The following NEGR1 variants were observed in gnomAD, a reference collection of about 807,000 sequenced individuals.
NEGR1 encodes the protein IgLON family member 4.
NEGR1 carries 10 observed loss-of-function variants against 40.9 expected under a neutral mutation model. That is an observed-to-expected ratio of 0.24 (90% confidence interval 0.15 to 0.42). NEGR1 has a LOEUF of 0.42. Among genes scored for constraint, NEGR1 ranks in the 10% least tolerant of loss-of-function variants. The pLI is 1.00. For synonymous variants in NEGR1, 185 were observed against 166.8 expected (o/e 1.11, Z -0.84); for missense variants, 352 against 438.9 (o/e 0.80, Z 1.77).
intron 6 of NEGR1, among the ~76,000 whole-genome samples, chr1:71,470,852 CTTT>C (rs1260874707): frequency 5.3e-5 from 8 of 152,100 alleles, no homozygotes; most frequent in African/African-American, 1.9e-4. Flanking sequence ...AACTGATATA[CTTT>C]AACTTTCCCT....
At chr1:72,057,339 C>T (rs1461466774) in intron 1 of NEGR1, among the ~76,000 whole-genome samples, 5 of 151,322 alleles carry the variant, frequency 3.3e-5, no homozygotes, top group Middle Eastern at 3.4e-3. Flanking sequence ...TTTTCTATAC[C>T]TTAGATTGGC....
intron 1 of NEGR1, among the ~76,000 whole-genome samples, chr1:71,968,275 T>C (rs1646226845): frequency 6.6e-6 from 1 of 152,212 alleles, no homozygotes; most frequent in South Asian, 2.1e-4. Flanking sequence ...CCTGCCAATG[T>C]GCATAAAGAT....
chr1:71,954,709 T>A (rs1438495485), intron 1 of NEGR1, among the ~76,000 whole-genome samples: 1 of 152,054 alleles, frequency 6.6e-6, no homozygotes, highest in Non-Finnish European at 1.5e-5. Flanking sequence ...CTTTTCTGAC[T>A]TCCAAAAAGG....
At chr1:72,148,706 C>T (rs951976534) in intron 1 of NEGR1, among the ~76,000 whole-genome samples, 10 of 152,136 alleles carry the variant, frequency 6.6e-5, no homozygotes, top group African/African-American at 2.2e-4. Context: ...AAAGTTTCCA[C>T]AAATCTCTAA....
chr1:72,095,690 G>A (rs1159640628), intron 1 of NEGR1, among the ~76,000 whole-genome samples: 4 of 151,940 alleles, frequency 2.6e-5, no homozygotes, highest in Admixed American at 6.6e-5. Flanking sequence ...GATATTTTAT[G>A]TAATTCTCTA....
chr1:71,585,744 T>C (rs1476819895), intron 6 of NEGR1, among the ~76,000 whole-genome samples: 5 of 150,906 alleles, frequency 3.3e-5, no homozygotes, highest in African/African-American at 1.2e-4. Context: ...TGTGCATGGC[T>C]GATTTAATTA....
intron 4 of NEGR1, among the ~76,000 whole-genome samples, chr1:71,638,747 A>AC (rs1312471361): frequency 6.6e-6 from 1 of 151,996 alleles, no homozygotes; most frequent in African/African-American, 2.4e-5. Flanking sequence ...ATAACCTTTT[A>AC]CAGTCTCAGA....
intron 2 of NEGR1, among the ~76,000 whole-genome samples, chr1:71,787,603 A>C (rs1290129208): frequency 6.6e-6 from 1 of 152,144 alleles, no homozygotes; most frequent in Non-Finnish European, 1.5e-5. Flanking sequence ...TATCTGTGAA[A>C]TTAGCCTGGC....
At chr1:71,802,239 T>A (rs1657588793) in intron 2 of NEGR1, among the ~76,000 whole-genome samples, 1 of 151,932 alleles carries the variant, frequency 6.6e-6, no homozygotes, top group East Asian at 1.9e-4. Flanking sequence ...ACTTAAAGAT[T>A]TAGAGAATTA....
chr1:71,456,522 T>C (rs1646673814), intron 6 of NEGR1, among the ~76,000 whole-genome samples: 1 of 152,214 alleles, frequency 6.6e-6, no homozygotes, highest in African/African-American at 2.4e-5. Context: ...CCAGGTCTGC[T>C]CAGACTGTAA....
intron 6 of NEGR1, among the ~76,000 whole-genome samples, chr1:71,485,824 T>G (rs575095138): frequency 6.9e-4 from 105 of 151,856 alleles, no homozygotes; most frequent in Admixed American, 6.0e-3. Context: ...CTTAGTTTAT[T>G]TATTCATTCA....
At chr1:71,582,869 G>A (rs1337164016) in intron 6 of NEGR1, among the ~76,000 whole-genome samples, 4 of 152,130 alleles carry the variant, frequency 2.6e-5, no homozygotes, top group African/African-American at 4.8e-5. Context: ...AAGTGTGAAC[G>A]CTGCCCTGGT....
At chr1:71,540,167 A>C (rs1202788278) in intron 6 of NEGR1, among the ~76,000 whole-genome samples, 3 of 151,796 alleles carry the variant, frequency 2.0e-5, no homozygotes, top group African/African-American at 4.8e-5. Context: ...AGATCTGATG[A>C]GAGTGTGGTA....
chr1:71,467,947 C>T (rs528446800), intron 6 of NEGR1, among the ~76,000 whole-genome samples: 1 of 152,064 alleles, frequency 6.6e-6, no homozygotes, highest in East Asian at 1.9e-4. Flanking sequence ...CTGTGCTTTT[C>T]AGCATGCTTA....
At chr1:72,126,273 T>C (rs984404186) in intron 1 of NEGR1, among the ~76,000 whole-genome samples, 1 of 152,128 alleles carries the variant, frequency 6.6e-6, no homozygotes, top group Non-Finnish European at 1.5e-5. Context: ...AACATCTTTT[T>C]GCATTAAACT....
At chr1:71,657,504 GT>G (rs1350829182) in intron 4 of NEGR1, among the ~76,000 whole-genome samples, 4 of 152,082 alleles carry the variant, frequency 2.6e-5, no homozygotes, top group African/African-American at 9.7e-5. Flanking sequence ...GAAACATTTA[GT>G]TTTTTTCTCA....
At chr1:71,588,883 A>G (rs963604407) in intron 6 of NEGR1, among the ~76,000 whole-genome samples, 8 of 152,158 alleles carry the variant, frequency 5.3e-5, no homozygotes, top group African/African-American at 1.9e-4. Flanking sequence ...GGAGCTGCTC[A>G]TATACACACA....
chr1:72,152,697 A>G (rs952792212), intron 1 of NEGR1, among the ~76,000 whole-genome samples: 2 of 151,982 alleles, frequency 1.3e-5, no homozygotes, highest in African/African-American at 4.8e-5. Context: ...TGTTCTATTC[A>G]AATAGCAAAG....
At chr1:71,560,467 T>TA (rs1309219578) in intron 6 of NEGR1, among the ~76,000 whole-genome samples, 1 of 93,260 alleles carries the variant, frequency 1.1e-5, no homozygotes, top group Non-Finnish European at 2.4e-5. Flanking sequence ...ATATTTCCAA[T>TA]TAACCATCAT....
Sources: gnomAD v4.1 joint callset for allele counts (sites outside exome capture counted in the v4.1 genomes callset) on GRCh38, gnomAD v4.1.1 for gene constraint, MANE v1.5 for transcripts, NCBI Gene and HGNC (gene_info 2026-07-23, HGNC 2026-07-21) for gene names.